The following TMPRSS13 variants were observed in gnomAD, a reference collection of about 807,000 sequenced individuals.
The protein encoded by TMPRSS13 is transmembrane protease serine 13.
Under a neutral mutation model 68.4 loss-of-function variants are expected in TMPRSS13, and 50 were observed. The ratio of observed to expected loss-of-function variants is 0.73; its 90% CI spans 0.58 to 0.93. TMPRSS13 has a LOEUF of 0.93. Among genes scored for constraint, TMPRSS13 ranks in the 40% least tolerant of loss-of-function variants. TMPRSS13 has a pLI of 0.00. For synonymous variants in TMPRSS13, 267 were observed against 285.8 expected (o/e 0.93, Z 0.66); for missense variants, 615 against 729.2 (o/e 0.84, Z 1.80).
At position 117,913,747 on chromosome 11, in the gene TMPRSS13, C is replaced by T. The variant is rs769943016; in HGVS notation, c.809+30G>A. The T allele has an allele frequency of 9.3e-6, 15 of 1,611,822 alleles. No homozygotes were observed. In the East Asian group the frequency reaches 3.3e-4, roughly 36 times the overall value. On this transcript the variant is annotated intron_variant, in intron 5 of 12. Coordinates refer to ENST00000524993, the MANE Select transcript of TMPRSS13 (RefSeq NM_001077263.3). The stretch of plus-strand genomic sequence containing the variant: ...TGAAGAGCCTGAGACATCCCTGAAG[C>T]CTGGACTCTGGGGCCAGGTTGGGGG...
rs1025415247 is a variant in TMPRSS13, at chr11:117,922,662, C to T, written c.22-3824G>A. Among the ~76,000 whole-genome samples the T allele has an allele frequency of 1.4e-4, 22 of 152,222 alleles. No homozygotes were observed. Among genetic ancestry groups the T allele is most frequent in the African/African-American group, 5.3e-4 (22 of 41,462 alleles). Reference sequence around the variant, plus strand: ...GAAATGACCAACTCCTTGATGTGTCCTGGTGTCTCCACAACCTGCCTGCAG... The same window carrying T: ...GAAATGACCAACTCCTTGATGTGTCTTGGTGTCTCCACAACCTGCCTGCAG... On this transcript the variant is annotated intron_variant, in intron 1 of 12. Coordinates refer to ENST00000524993, the MANE Select transcript of TMPRSS13 (RefSeq NM_001077263.3). This position sits in a 1 kb window ranked among gnomAD's most constrained non-coding sequence, Gnocchi z 4.2.
intron 8 of TMPRSS13, 96 bp from the exon 9 acceptor site, chr11:117,908,880 C>T (rs2057491860): frequency 2.3e-6 from 3 of 1,277,162 alleles, no homozygotes; most frequent in African/African-American, 3.0e-5. Flanking sequence ...AGAGCACCAG[C>T]TTGGAGGCAG....
At position 117,918,508 on chromosome 11, in the gene TMPRSS13, T is replaced by A; in HGVS notation, c.352A>T (p.Arg118Ter). 6.2e-7 allele frequency: 1 copy of A among 1,614,204 alleles called. No individual in the cohort carries two copies. Among genetic ancestry groups the A allele is most frequent in the Non-Finnish European group, 8.5e-7 (1 of 1,180,016 alleles). The change falls in exon 2 of 13, where the codon AGA becomes TGA. Residue 118 changes from arginine (R) to a stop codon, truncating the protein, a stop_gained. Coordinates refer to ENST00000524993, the MANE Select transcript of TMPRSS13 (RefSeq NM_001077263.3). LOFTEE classifies it high-confidence loss of function. ...RSASVTTSPT[R>*]VYLVRATPVG... ...GGTGTTGCTCTAACAAGGTACACTC[T>A]GGTTGGGGAGGTTGTCACCGAGGCT...
intron 1 of TMPRSS13, 85 bp downstream of exon 1, chr11:117,929,202 G>T: frequency 8.4e-7 from 1 of 1,187,380 alleles, no homozygotes; most frequent in Non-Finnish European, 1.2e-6. Context: ...GAAACACAGA[G>T]GTAGCTGTCC....
chr11:117,911,420 G>T (rs1008977686), intron 6 of TMPRSS13, among the ~76,000 whole-genome samples: 2 of 152,146 alleles, frequency 1.3e-5, no homozygotes, highest in African/African-American at 4.8e-5. Context: ...TGTCAGTGGT[G>T]CTTCTCCCCC....
intron 9 of TMPRSS13, chr11:117,907,370 G>C (rs1297118265): frequency 6.8e-6 from 1 of 148,136 alleles, no homozygotes; most frequent in African/African-American, 2.5e-5. Context: ...CGTGGGCGTG[G>C]TTCTGGGCTA....
chr11:117,918,451 C>T lies in TMPRSS13; in HGVS notation c.409G>A (p.Ala137Thr), dbSNP rs766207075. 3 of 1,614,044 alleles carry T rather than the reference C, an allele frequency of 1.9e-6. No individual in the cohort carries two copies. Among genetic ancestry groups the T allele is most frequent in the Middle Eastern group, 3.3e-4 (2 of 6,084 alleles). Residue 137 changes from alanine to threonine, a missense_variant, in exon 2 of 13, where the codon GCC (alanine) becomes ACC (threonine). Transcript: ENST00000524993. ...GCCCTGGTTGCTGGTGCTGACCTGG[C>T]AGGAGATGATCGGATGGGTACAGCC... ...VGAVPIRSSP[A>T]RSAPATRATR...
chr11:117,902,123 G>T lies in TMPRSS13; in HGVS notation c.*116C>A, dbSNP rs1459293697. 4.2e-5 allele frequency: 46 copies of T among 1,101,150 alleles called. No homozygotes were observed. In the South Asian group the frequency reaches 5.4e-4, roughly 13 times the overall value. 68.2% of individuals were successfully genotyped at this position (1,101,150 alleles called of 1,614,324 possible). On this transcript the variant is annotated 3_prime_UTR_variant, in exon 13 of 13. Coordinates refer to ENST00000524993, the MANE Select transcript of TMPRSS13 (RefSeq NM_001077263.3). ...ACACACAGAGGCAGCAGACAGTGGA[G>T]GTGGGAGTCCGATGGTGCCCGGTGG...
At chr11:117,908,183 T>G (rs773649223) in intron 9 of TMPRSS13, 25 of 617,490 alleles carry the variant, frequency 4.0e-5, no homozygotes, top group Non-Finnish European at 5.8e-5. Flanking sequence ...ATTATCTCTC[T>G]GTAAAGCTCC....
chr11:117,904,411 G>A (rs2057442940), intron 10 of TMPRSS13, among the ~76,000 whole-genome samples: 1 of 152,206 alleles, frequency 6.6e-6, no homozygotes, highest in African/African-American at 2.4e-5. Flanking sequence ...TACGTTCAAA[G>A]CACCCTCAGA....
At chr11:117,928,710 G>T (rs1336789533) in intron 1 of TMPRSS13, among the ~76,000 whole-genome samples, 1 of 152,154 alleles carries the variant, frequency 6.6e-6, no homozygotes, top group Non-Finnish European at 1.5e-5. Flanking sequence ...GTGGTAGCAG[G>T]ACTTGTGGTT....
At chr11:117,927,337 T>C (rs1177200408) in intron 1 of TMPRSS13, among the ~76,000 whole-genome samples, 2 of 152,226 alleles carry the variant, frequency 1.3e-5, no homozygotes, top group African/African-American at 4.8e-5. Flanking sequence ...CATTCTTCTT[T>C]TGAGAGTAGT....
Position 117,901,173 on chromosome 11 carries a change from A to C in TMPRSS13, c.*1066T>G, listed in dbSNP as rs572675. 0.93 allele frequency: 141,704 copies of C among 152,578 alleles called. 66,037 individuals carry two copies. Among genetic ancestry groups the C allele is most frequent in the Middle Eastern group, 0.97 (288 of 296 alleles). The allele number at this position is 152,578 out of a possible 1,614,324, so 9.5% of individuals were successfully genotyped here. On this transcript the variant is annotated 3_prime_UTR_variant, in exon 13 of 13. Transcript: ENST00000524993. ...GAAATCCCAAAGTCCCAGGACAGCT[A>C]CTGGGAATGAGAGAGGCAGTCCACC...
At chr11:117,924,177 C>CAAAGT (rs2057675604) in intron 1 of TMPRSS13, among the ~76,000 whole-genome samples, 1 of 105,244 alleles carries the variant, frequency 9.5e-6, no homozygotes, top group Non-Finnish European at 2.1e-5. Context: ...GACCCCATCT[C>CAAAGT]AAAGAAAAGA....
intron 11 of TMPRSS13, 44 bp downstream of exon 11, chr11:117,903,915 C>T: frequency 6.2e-7 from 1 of 1,601,924 alleles, no homozygotes; most frequent in Non-Finnish European, 8.5e-7. Context: ...CCTCCCCCAT[C>T]CCCAGGGTGC....
chr11:117,927,171 C>A (rs1427759103), intron 1 of TMPRSS13, among the ~76,000 whole-genome samples: 1 of 152,176 alleles, frequency 6.6e-6, no homozygotes, highest in Non-Finnish European at 1.5e-5. Flanking sequence ...ACCTCACTTC[C>A]TTTTTCCATA....
At chr11:117,907,838 A>C (rs894133606) in intron 9 of TMPRSS13, 8 of 985,346 alleles carry the variant, frequency 8.1e-6, no homozygotes, top group Non-Finnish European at 9.6e-6. Flanking sequence ...CAACTGTACT[A>C]TAGGGCTGGC....
rs767356137 is a variant in TMPRSS13 at position 117,911,879 on chromosome 11, G to A, written c.810-19C>T. 1.3e-5 allele frequency: 21 copies of A among 1,601,224 alleles called. No individual in the cohort carries two copies. Among genetic ancestry groups the A allele is most frequent in the Non-Finnish European group, 1.5e-5 (18 of 1,169,060 alleles). On this transcript the variant is annotated intron_variant, in intron 5 of 12. Coordinates refer to ENST00000524993, the MANE Select transcript of TMPRSS13 (RefSeq NM_001077263.3). Reference sequence around the variant, plus strand: ...GTGAGCACTACAAGGGAGCAGAGGGGAGAAGAATGAGCCCCCTGGAGACAG... The same window carrying A: ...GTGAGCACTACAAGGGAGCAGAGGGAAGAAGAATGAGCCCCCTGGAGACAG...
intron 1 of TMPRSS13, among the ~76,000 whole-genome samples, chr11:117,925,580 G>A (rs1031848129): frequency 6.6e-6 from 1 of 151,938 alleles, no homozygotes; most frequent in African/African-American, 2.4e-5. Context: ...ACATAATGGG[G>A]GCCCCTCTAA....
Sources: allele counts gnomAD v4.1 joint callset (sites outside exome capture counted in the v4.1 genomes callset), GRCh38; gene constraint gnomAD v4.1.1; non-coding constraint Gnocchi (gnomAD v3.1); transcripts MANE v1.5; gene names NCBI Gene and HGNC (gene_info 2026-07-23, HGNC 2026-07-21).